Variants in GRHL2 observed in about 807,000 individuals in gnomAD.
GRHL2 encodes the protein grainyhead-like protein 2 homolog.
In GRHL2, 21 loss-of-function variants were observed where a neutral mutation model predicts 83.8. The ratio of observed to expected loss-of-function variants is 0.25; its 90% CI spans 0.18 to 0.36. The LOEUF (loss-of-function observed/expected upper bound fraction) is 0.36, where lower values mean the gene tolerates loss of function less well. Ranked by LOEUF, GRHL2 falls within the 10% of genes least tolerant of loss-of-function variation. GRHL2 has a pLI of 1.00. For synonymous variants in GRHL2, 280 were observed against 278.9 expected (o/e 1.00, Z -0.04); for missense variants, 623 against 781.8 (o/e 0.80, Z 2.42).
chr8:101,511,882 T>G (rs997335577), intron 1 of GRHL2, among the ~76,000 whole-genome samples: 1 of 152,214 alleles, frequency 6.6e-6, no homozygotes, highest in Non-Finnish European at 1.5e-5. Context: ...GGTCTTTACA[T>G]AATTGTTTTT....
chr8:101,647,321 C>T (rs1194608665), intron 13 of GRHL2, among the ~76,000 whole-genome samples: 6 of 152,146 alleles, frequency 3.9e-5, no homozygotes, highest in Non-Finnish European at 8.8e-5. Flanking sequence ...GCTGAGATCA[C>T]GCCACTGCAC....
intron 8 of GRHL2, among the ~76,000 whole-genome samples, chr8:101,612,551 A>G (rs1812774940): frequency 6.6e-6 from 1 of 150,648 alleles, no homozygotes; most frequent in African/African-American, 2.5e-5. Context: ...ATACATACAT[A>G]CATAGATATT....
rs987968409 is a variant in GRHL2, at chr8:101,668,935, G to C, written c.*2232G>C. On this transcript the variant is annotated 3_prime_UTR_variant, in exon 16 of 16. Transcript: ENST00000646743. ...GCAGAAGATGAATTGAAGATGCTGT[G>C]CATGTTTCCTAAGTCCTTGAGCAAT... The C allele has an allele frequency of 1.3e-5, 2 of 152,218 alleles. No homozygotes were observed. The highest frequency in any genetic ancestry group is 2.9e-5 in the Non-Finnish European group (2 of 68,044). The allele number at this position is 152,218 out of a possible 1,614,324, so 9.4% of individuals were successfully genotyped here. A position where few individuals can be genotyped will look rare whatever the true frequency, so the allele number is the denominator to read the frequency against.
At chr8:101,635,673 T>A (rs1384330148) in intron 11 of GRHL2, among the ~76,000 whole-genome samples, 1 of 152,206 alleles carries the variant, frequency 6.6e-6, no homozygotes, top group African/African-American at 2.4e-5. Context: ...CAATGACAGT[T>A]GCTCTGAATG....
At chr8:101,562,695 T>C (rs1420743851) in intron 4 of GRHL2, among the ~76,000 whole-genome samples, 5 of 152,222 alleles carry the variant, frequency 3.3e-5, no homozygotes, top group African/African-American at 9.6e-5. Context: ...ATTTGTGATA[T>C]AATTGTTGGT....
intron 15 of GRHL2, 51 bp from the exon 16 acceptor site, chr8:101,666,538 A>C (rs1563634757): frequency 2.8e-6 from 3 of 1,069,394 alleles, no homozygotes; most frequent in South Asian, 2.5e-5. Flanking sequence ...TGCCCTGGGC[A>C]CATTGTTCAC....
Position 101,619,533 on chromosome 8 carries a change from C to T in GRHL2, c.1099-6C>T, listed in dbSNP as rs779026806. The T allele has an allele frequency of 6.2e-7, 1 of 1,613,232 alleles. No individual in the cohort carries two copies. Among genetic ancestry groups the T allele is most frequent in the Admixed American group, 1.7e-5 (1 of 59,968 alleles). On this transcript the variant is annotated splice_region_variant and splice_polypyrimidine_tract_variant and intron_variant, in intron 8 of 15. Coordinates refer to ENST00000646743, the MANE Select transcript of GRHL2 (RefSeq NM_024915.4). ...CTTGTGAACTTTTTCTTTCTCTTTC[C>T]CTCAGATTTTCATCACCGTGAATTG... is the stretch of plus-strand genomic sequence containing the variant.
At chr8:101,641,347 C>T (rs7839563) in intron 12 of GRHL2, among the ~76,000 whole-genome samples, 16,149 of 152,000 alleles carry the variant, frequency 0.11, 1,764 homozygotes, top group African/African-American at 0.28. Flanking sequence ...TTAGGTAGGG[C>T]ATTCATGGTA....
intron 1 of GRHL2, among the ~76,000 whole-genome samples, chr8:101,504,276 T>A (rs475304): frequency 6.6e-6 from 1 of 152,264 alleles, no homozygotes; most frequent in Non-Finnish European, 1.5e-5. Context: ...TATCTGTGTC[T>A]CCACAACCTT....
intron 1 of GRHL2, among the ~76,000 whole-genome samples, chr8:101,518,573 GC>G (rs1389430786): frequency 2.0e-5 from 3 of 152,146 alleles, no homozygotes; most frequent in Non-Finnish European, 4.4e-5. Context: ...ATTCTGCAGT[GC>G]CTGGTCTTCA....
chr8:101,669,245 C>G lies in GRHL2; in HGVS notation c.*2542C>G, dbSNP rs200072654. 2.0e-4 allele frequency: 2 copies of G among 10,076 alleles called. No individual in the cohort carries two copies. The highest frequency in any genetic ancestry group is 5.4e-4 in the African/African-American group (2 of 3,698). The allele number at this position is 10,076 out of a possible 1,614,324, so 0.6% of individuals were successfully genotyped here. A position where few individuals can be genotyped will look rare whatever the true frequency, so the allele number is the denominator to read the frequency against. On this transcript the variant is annotated 3_prime_UTR_variant, in exon 16 of 16. Coordinates refer to ENST00000646743, the MANE Select transcript of GRHL2 (RefSeq NM_024915.4). ...GAAGATCATGGACATGTGAAATGAG[C>G]ATTTTTTTCTTTTTTTTTTTTAACA...
the GRHL2 span, among the ~76,000 whole-genome samples, chr8:101,679,803 G>GA: frequency 4.8e-5 from 7 of 146,170 alleles, no homozygotes; most frequent in African/African-American, 1.8e-4. Context: ...TTTCAACCCA[G>GA]AATTTCATGT....
intron 1 of GRHL2, among the ~76,000 whole-genome samples, chr8:101,501,031 C>T (rs1810218544): frequency 6.6e-6 from 1 of 152,112 alleles, no homozygotes; most frequent in South Asian, 2.1e-4. Context: ...TTTGATTTGC[C>T]ACATACAATA....
At chr8:101,545,464 A>C (rs1811242505) in intron 2 of GRHL2, among the ~76,000 whole-genome samples, 1 of 151,258 alleles carries the variant, frequency 6.6e-6, no homozygotes, top group Non-Finnish European at 1.5e-5. Flanking sequence ...AAAAAAAAAA[A>C]AAAAAAAAGT....
intron 1 of GRHL2, among the ~76,000 whole-genome samples, chr8:101,528,080 A>G (rs1810844196): frequency 6.6e-6 from 1 of 152,082 alleles, no homozygotes; most frequent in African/African-American, 2.4e-5. Context: ...CAGCTGTAAG[A>G]CATTATTATT....
intron 2 of GRHL2, among the ~76,000 whole-genome samples, chr8:101,549,626 C>A (rs1021159601): frequency 6.6e-6 from 1 of 152,086 alleles, no homozygotes; most frequent in South Asian, 2.1e-4. Flanking sequence ...TAGCACACAA[C>A]AAAAGAAGTA....
chr8:101,524,345 T>C (rs1810757343), intron 1 of GRHL2, among the ~76,000 whole-genome samples: 2 of 152,232 alleles, frequency 1.3e-5, no homozygotes, highest in Admixed American at 1.3e-4. Flanking sequence ...ACTTCGTTAA[T>C]TTGTTTTATC....
chr8:101,637,392 AG>A (rs1813310696), intron 12 of GRHL2, among the ~76,000 whole-genome samples: 1 of 152,222 alleles, frequency 6.6e-6, no homozygotes, highest in Admixed American at 6.5e-5. Context: ...CTGAGAAGTT[AG>A]CCTGGCAGGC....
downstream of GRHL2, among the ~76,000 whole-genome samples, chr8:101,671,245 G>T (rs1814202169): frequency 6.6e-6 from 1 of 152,212 alleles, no homozygotes; most frequent in Non-Finnish European, 1.5e-5. Context: ...GGAAGCGCAA[G>T]GGGTCAGGGA....
Sources: allele counts gnomAD v4.1 joint callset (sites outside exome capture counted in the v4.1 genomes callset), GRCh38; gene constraint gnomAD v4.1.1; transcripts MANE v1.5; gene names NCBI Gene and HGNC (gene_info 2026-07-23, HGNC 2026-07-21).